CHD1L: variants seen among roughly 807,000 people sequenced by gnomAD.
CHD1L encodes chromodomain helicase DNA binding protein 1 like, also known as ATP-dependent chromatin remodeler CHD1L.
Under a neutral mutation model 115.9 loss-of-function variants are expected in CHD1L, and 118 were observed. That is an observed-to-expected ratio of 1.02 (90% confidence interval 0.88 to 1.19). The LOEUF is 1.19. CHD1L is among the 50% of genes most tolerant of loss of function. The probability of loss-of-function intolerance (pLI) is 0.00; values close to 1 mark genes in which losing one functional copy is unlikely to be tolerated. For synonymous variants in CHD1L, 411 were observed against 387.1 expected (o/e 1.06, Z -0.72); for missense variants, 1,179 against 1,065.3 (o/e 1.11, Z -1.49).
At chr1:147,251,206 G>C (rs1286973549) in intron 1 of CHD1L, among the ~76,000 whole-genome samples, 1 of 152,162 alleles carries the variant, frequency 6.6e-6, no homozygotes, top group Non-Finnish European at 1.5e-5. Context: ...ACATCAGTTG[G>C]TGTTTCCAGT....
intron 1 of CHD1L, 33 bp downstream of exon 1, chr1:147,242,863 G>T: frequency 7.9e-7 from 1 of 1,263,250 alleles, no homozygotes. Flanking sequence ...TCGGCCAGGC[G>T]GGCCAACCTA....
chr1:147,276,028 A>G, intron 13 of CHD1L, 76 bp from the exon 14 acceptor site: 1 of 1,418,076 alleles, frequency 7.1e-7, no homozygotes. Flanking sequence ...TTGCTTTTAG[A>G]TGTATTTACC....
At chr1:147,230,842 G>T in the CHD1L span, among the ~76,000 whole-genome samples, 635 of 151,522 alleles carry the variant, frequency 4.2e-3, 3 homozygotes, top group African/African-American at 0.015. Context: ...ATTTCTGTGG[G>T]ATTGGTGGTG....
chr1:147,285,561 A>G (rs1419571209), intron 17 of CHD1L, 74 bp downstream of exon 17: 4 of 1,418,530 alleles, frequency 2.8e-6, no homozygotes, highest in Non-Finnish European at 3.8e-6. Flanking sequence ...ACAGTTGAAT[A>G]TCACTTTAAA....
At chr1:147,188,663 T>C in the CHD1L span, among the ~76,000 whole-genome samples, 1 of 151,660 alleles carries the variant, frequency 6.6e-6, no homozygotes, top group African/African-American at 2.4e-5. Flanking sequence ...TAATAAAGGT[T>C]ACATGTATAC....
rs116228425 is a variant in CHD1L, at chr1:147,284,036, G to A, written c.1706-315G>A. ...TGATCTTAATGTCAGTGAGATTTGC[G>A]CTGAGGGATAGTTGGGAATAAATGA... On this transcript the variant is annotated intron_variant, in intron 15 of 22. Transcript: ENST00000369258. 5.9e-3 allele frequency among the ~76,000 whole-genome samples: 906 copies of A among 152,294 alleles called. 4 individuals carry two copies. The highest frequency in any genetic ancestry group is 9.3e-3 in the Non-Finnish European group (634 of 68,016).
the CHD1L span, chr1:147,178,164 C>T: frequency 4.3e-6 from 7 of 1,609,838 alleles, no homozygotes; most frequent in African/African-American, 4.0e-5. Context: ...TGCTTCTCGC[C>T]GCGGCCCGCC....
intron 1 of CHD1L, among the ~76,000 whole-genome samples, chr1:147,250,307 A>C (rs1465106750): frequency 1.3e-5 from 2 of 152,184 alleles, no homozygotes; most frequent in African/African-American, 4.8e-5. Context: ...TTTTATAAGA[A>C]TTGGAGCCAG....
chr1:147,241,936 G>A (rs1553931146), upstream of CHD1L, among the ~76,000 whole-genome samples: 1 of 152,104 alleles, frequency 6.6e-6, no homozygotes, highest in Non-Finnish European at 1.5e-5. Context: ...ATTGGTTATT[G>A]TGAAGGTTAA....
At chr1:147,278,937 C>T (rs587769738) in intron 14 of CHD1L, among the ~76,000 whole-genome samples, 22 of 152,240 alleles carry the variant, frequency 1.4e-4, no homozygotes, top group Non-Finnish European at 3.2e-4. Context: ...GACTAAGACA[C>T]ATTGCAAGTG....
the CHD1L span, among the ~76,000 whole-genome samples, chr1:147,235,662 G>A: frequency 6.6e-6 from 1 of 151,952 alleles, no homozygotes; most frequent in East Asian, 1.9e-4. Context: ...ATAGGGTTAG[G>A]GTAAAAAAAA....
At position 147,256,546 on chromosome 1, in the gene CHD1L, G is replaced by T. The variant is rs1375587977; in HGVS notation, c.478G>T (p.Ala160Ser). ...LTTYEICLKD[A>S]SFLKSFPWSV... ...AATTTTTCAGATTTGCTTGAAAGATGCATCATTTCTAAAATCGTGAGTAGG... is the reference window on the plus strand; with the variant it reads ...AATTTTTCAGATTTGCTTGAAAGATTCATCATTTCTAAAATCGTGAGTAGG... Residue 160 changes from alanine (A) to serine (S), a missense_variant, in exon 5 of 23, where the codon GCA becomes TCA. Ala to Ser is a moderately conservative substitution (Grantham distance 99). Transcript: ENST00000369258. The T allele has an allele frequency of 2.5e-6, 4 of 1,613,390 alleles. No individual in the cohort carries two copies. The highest frequency in any genetic ancestry group is 3.3e-5 in the Admixed American group (2 of 59,980).
the CHD1L span, among the ~76,000 whole-genome samples, chr1:147,195,419 C>T: frequency 1.3e-4 from 20 of 151,908 alleles, no homozygotes; most frequent in Admixed American, 3.9e-4. Flanking sequence ...AGGCATGAGC[C>T]ACCATGCCCA....
At chr1:147,255,039 A>C (rs2102400181) in intron 3 of CHD1L, 63 bp downstream of exon 3, 1 of 1,235,828 alleles carries the variant, frequency 8.1e-7, no homozygotes, top group Non-Finnish European at 1.1e-6. Flanking sequence ...TTTCTGGATG[A>C]TGTATAAAAT....
At chr1:147,233,652 A>AG in the CHD1L span, among the ~76,000 whole-genome samples, 1 of 152,184 alleles carries the variant, frequency 6.6e-6, no homozygotes, top group Non-Finnish European at 1.5e-5. Context: ...TGGAATAGAA[A>AG]GGGGGGAAAG....
At chr1:147,210,202 A>C in the CHD1L span, 1 of 152,244 alleles carries the variant, frequency 6.6e-6, no homozygotes, top group African/African-American at 2.4e-5. Flanking sequence ...AGGTCTGACT[A>C]ACTCCAAAGC....
At chr1:147,232,911 T>C in the CHD1L span, among the ~76,000 whole-genome samples, 1 of 152,136 alleles carries the variant, frequency 6.6e-6, no homozygotes, top group African/African-American at 2.4e-5. Context: ...AGCCTCTGCC[T>C]GGCCGCCACC....
chr1:147,221,449 T>C, the CHD1L span, among the ~76,000 whole-genome samples: 5 of 152,204 alleles, frequency 3.3e-5, no homozygotes, highest in Non-Finnish European at 7.3e-5. Flanking sequence ...TATTTAAACA[T>C]GTTTGTACAT....
intron 2 of CHD1L, 106 bp from the exon 3 acceptor site, chr1:147,254,764 C>T: frequency 1.5e-6 from 1 of 655,806 alleles, no homozygotes; most frequent in Non-Finnish European, 2.5e-6. Context: ...CTTTGTAAAA[C>T]AAGTCTTAAA....
Sources: gnomAD v4.1 joint callset for allele counts (sites outside exome capture counted in the v4.1 genomes callset) on GRCh38, gnomAD v4.1.1 for gene constraint, MANE v1.5 for transcripts, NCBI Gene and HGNC (gene_info 2026-07-23, HGNC 2026-07-21) for gene names.